The following GLS variants were observed in gnomAD, a reference collection of about 807,000 sequenced individuals.
GLS encodes the protein glutaminase, also known as glutaminase kidney isoform, mitochondrial.
A neutral mutation model predicts 86.7 loss-of-function variants in GLS; 36 were observed. The observed-to-expected ratio is 0.42, with a 90% CI of 0.32 to 0.55. The LOEUF is 0.55. Ranked by LOEUF, GLS falls within the 20% of genes least tolerant of loss-of-function variation. The pLI is 0.17. For synonymous variants in GLS, 317 were observed against 305.9 expected, an observed-to-expected ratio of 1.04 and a Z score of -0.38; for missense variants, 528 against 833.4, an observed-to-expected ratio of 0.63 and a Z score of 4.51.
intron 14 of GLS, among the ~76,000 whole-genome samples, chr2:190,948,585 T>G (rs1191801667): frequency 6.6e-6 from 1 of 152,222 alleles, no homozygotes; most frequent in Non-Finnish European, 1.5e-5. Flanking sequence ...TGAGGCTTTA[T>G]TGCTTAGAAG....
intron 7 of GLS, among the ~76,000 whole-genome samples, chr2:190,917,250 C>G (rs887867728): frequency 1.3e-5 from 2 of 152,190 alleles, no homozygotes; most frequent in African/African-American, 2.4e-5. Flanking sequence ...AGCATCTTTA[C>G]CAGAAGTAGT....
rs1689430700 is a variant in GLS at position 190,913,684 on chromosome 2, G to A, written c.1038+3363G>A. The A allele has an allele frequency of 1.0e-6, 1 of 971,714 alleles. No homozygotes were observed. The highest frequency in any genetic ancestry group is 1.2e-6 in the Non-Finnish European group (1 of 817,810). 60.2% of individuals were successfully genotyped at this position (971,714 alleles called of 1,614,324 possible). A position where few individuals can be genotyped will look rare whatever the true frequency, so the allele number is the denominator to read the frequency against. ...AGTTAAGATCTGGTGATAACTTAAG[G>A]GTTAGGATAGGAAAATGAGGACAAC... On this transcript the variant is annotated intron_variant, in intron 7 of 17. Transcript: ENST00000320717. The surrounding 1 kb of genome is among the most constrained non-coding windows in gnomAD (Gnocchi z 6.1).
chr2:190,881,556 A>G (rs976991464), intron 1 of GLS, 86 bp downstream of exon 1: 51 of 1,252,756 alleles, frequency 4.1e-5, no homozygotes, highest in Admixed American at 9.5e-5. Context: ...GGGGCGGGAT[A>G]GGAGCCGAGG....
In GLS at chr2:190,934,917, T is replaced by G. The variant is rs1022039283; in HGVS notation, c.1650+3280T>G. 3 of 976,014 alleles carry G rather than the reference T, an allele frequency of 3.1e-6. No homozygotes were observed. The African/African-American group carries it at 5.3e-5, about 17-fold the overall frequency. The allele number at this position is 976,014 out of a possible 1,614,324, so 60.5% of individuals were successfully genotyped here. ...CCCTCAAACTTAAAAAAGAAAAAAC[T>G]TTGCCAGTTTTAAGGACATATTTTG... On this transcript the variant is annotated intron_variant, in intron 14 of 17. Transcript: ENST00000320717.
intron 12 of GLS, among the ~76,000 whole-genome samples, chr2:190,928,358 G>T (rs1216615371): frequency 1.4e-5 from 2 of 145,376 alleles, no homozygotes; most frequent in Admixed American, 6.9e-5. Context: ...TTTTTGAGAC[G>T]GAGTTTCACT....
intron 14 of GLS, among the ~76,000 whole-genome samples, chr2:190,944,670 T>C (rs1289862340): frequency 6.6e-6 from 1 of 152,208 alleles, no homozygotes; most frequent in Non-Finnish European, 1.5e-5. Context: ...ATTGGTATCT[T>C]TTTAGACCAT....
At chr2:190,891,155 C>T (rs570285454) in intron 1 of GLS, among the ~76,000 whole-genome samples, 5 of 152,026 alleles carry the variant, frequency 3.3e-5, no homozygotes, top group South Asian at 2.1e-4. Context: ...TTTCCCCTAC[C>T]GATTAAGGCA....
At chr2:190,887,893 A>G (rs988167386) in intron 1 of GLS, among the ~76,000 whole-genome samples, 1 of 152,162 alleles carries the variant, frequency 6.6e-6, no homozygotes, top group Non-Finnish European at 1.5e-5. Context: ...ATATAAGGTA[A>G]TGTTATAACG....
At chr2:190,915,309 A>G (rs923994850) in intron 7 of GLS, among the ~76,000 whole-genome samples, 2 of 151,966 alleles carry the variant, frequency 1.3e-5, no homozygotes, top group African/African-American at 4.8e-5. Context: ...CTAAATTTGT[A>G]TAATTTTCTG....
rs1276455082 is a variant in GLS, at chr2:190,895,303, A to G, written c.483+55A>G. ...TAAAAAAATCAATAATAATAAATAT[A>G]TACAGTATTATTGAAATATAGTCTT... On this transcript the variant is annotated intron_variant, in intron 2 of 17. Transcript: ENST00000320717. The surrounding 1 kb of genome is among the most constrained non-coding windows in gnomAD (Gnocchi z 4.2). 2.8e-6 allele frequency: 2 copies of G among 705,260 alleles called. No individual in the cohort carries two copies. Among genetic ancestry groups the G allele is most frequent in the Non-Finnish European group, 5.0e-6 (2 of 403,210 alleles). The allele number at this position is 705,260 out of a possible 1,614,324, so 43.7% of individuals were successfully genotyped here.
At position 190,901,913 on chromosome 2, in the gene GLS, A is replaced by G. The variant is rs533233003; in HGVS notation, c.736-34A>G. On this transcript the variant is annotated intron_variant, in intron 4 of 17. Coordinates refer to ENST00000320717, the MANE Select transcript of GLS (RefSeq NM_014905.5). ...AGAAAATACATTATTTGTCAATATT[A>G]TATCTATTCATTTCTTTCCAATCTT... 9.1e-6 allele frequency: 11 copies of G among 1,207,492 alleles called. No individual in the cohort carries two copies. The East Asian group carries it at 1.2e-4, about 13-fold the overall frequency. The allele number at this position is 1,207,492 out of a possible 1,614,324, so 74.8% of individuals were successfully genotyped here.
At chr2:190,937,958 G>C (rs1690322213) in intron 14 of GLS, among the ~76,000 whole-genome samples, 2 of 150,242 alleles carry the variant, frequency 1.3e-5, no homozygotes, top group Admixed American at 1.3e-4. Flanking sequence ...AAAGGCAAGC[G>C]TTAGAAACAG....
intron 11 of GLS, among the ~76,000 whole-genome samples, chr2:190,926,090 T>A (rs1203209380): frequency 3.9e-5 from 6 of 152,178 alleles, no homozygotes; most frequent in African/African-American, 1.4e-4. Flanking sequence ...TGGTACTGAC[T>A]TTTTTGGAGA....
At position 190,963,861 on chromosome 2, in the gene GLS, G is replaced by A. The variant is rs1691060750; in HGVS notation, c.*875G>A. ...AAGTATAAATTAGTCAAGTTTATCA[G>A]TCTAAAAAACGAAGGGATGTGCAAC... On this transcript the variant is annotated 3_prime_UTR_variant, in exon 18 of 18. Coordinates refer to ENST00000320717, the MANE Select transcript of GLS (RefSeq NM_014905.5). 6.6e-6 allele frequency: 1 copy of A among 151,776 alleles called. No homozygotes were observed. The highest frequency in any genetic ancestry group is 1.5e-5 in the Non-Finnish European group (1 of 67,948). 9.4% of individuals were successfully genotyped at this position (151,776 alleles called of 1,614,324 possible).
At chr2:190,887,820 G>A (rs1303639689) in intron 1 of GLS, among the ~76,000 whole-genome samples, 1 of 152,164 alleles carries the variant, frequency 6.6e-6, no homozygotes, top group African/African-American at 2.4e-5. Flanking sequence ...TAAGTAAATT[G>A]TGGTACATTC....
rs766392899 is a variant in GLS, at chr2:190,914,053, A to C, written c.1038+3732A>C. Among the ~76,000 whole-genome samples the C allele has an allele frequency of 1.3e-5, 2 of 152,122 alleles. No individual in the cohort carries two copies. Among genetic ancestry groups the C allele is most frequent in the Non-Finnish European group, 2.9e-5 (2 of 68,010 alleles). On this transcript the variant is annotated intron_variant, in intron 7 of 17. Transcript: ENST00000320717. The surrounding 1 kb of genome is among the most constrained non-coding windows in gnomAD (Gnocchi z 4.4). ...GTGATCCTCCAAGTTTGGCCTCCCA[A>C]AATGCTGGGATGACAGGCATTAGCC... is the stretch of plus-strand genomic sequence containing the variant.
At chr2:190,908,206 A>G (rs1205689386) in intron 6 of GLS, among the ~76,000 whole-genome samples, 2 of 152,196 alleles carry the variant, frequency 1.3e-5, no homozygotes, top group African/African-American at 2.4e-5. Flanking sequence ...TCCAGTTTTT[A>G]TTTGGCACTG....
rs1276702727 is a variant in GLS at position 190,880,894 on chromosome 2, GCAGCAGCAGCAGCAGCAGCAGCAGCAC to G, written c.-189_-163del. On this transcript the variant is annotated 5_prime_UTR_variant, in exon 1 of 18. Transcript: ENST00000320717. Reference sequence around the variant, plus strand: ...GCGCGCAGCAGCAGCAGCAGCAGCAGCAGCAGCAGCAGCAGCAGCAGCAGCACCCGCATCCGCTGCGGGAGTCCGAGC... The same window carrying G: ...GCGCGCAGCAGCAGCAGCAGCAGCAGCCGCATCCGCTGCGGGAGTCCGAGC... 7.6e-6 allele frequency: 4 copies of G among 526,652 alleles called. No homozygotes were observed. In the African/African-American group the frequency reaches 7.8e-5, roughly 10 times the overall value. The allele number at this position is 526,652 out of a possible 1,614,324, so 32.6% of individuals were successfully genotyped here. A position where few individuals can be genotyped will look rare whatever the true frequency, so the allele number is the denominator to read the frequency against.
intron 12 of GLS, among the ~76,000 whole-genome samples, chr2:190,928,071 C>T (rs1022415145): frequency 6.6e-6 from 1 of 151,800 alleles, no homozygotes; most frequent in African/African-American, 2.4e-5. Context: ...TAATGTTATC[C>T]ATCACTCAGC....
Sources: allele counts gnomAD v4.1 joint callset (sites outside exome capture counted in the v4.1 genomes callset), GRCh38; gene constraint gnomAD v4.1.1; non-coding constraint Gnocchi (gnomAD v3.1); transcripts MANE v1.5; gene names NCBI Gene and HGNC (gene_info 2026-07-23, HGNC 2026-07-21).